The following PLCL2 variants were observed in gnomAD, a reference collection of about 807,000 sequenced individuals.
PLCL2 encodes the protein phospholipase C like 2, also known as inactive phospholipase C-like protein 2.
A neutral mutation model predicts 79.6 loss-of-function variants in PLCL2; 4 were observed. The observed-to-expected ratio is 0.05, with a 90% CI of 0.02 to 0.11. The LOEUF (loss-of-function observed/expected upper bound fraction) is 0.11. PLCL2 is among the 10% of genes least tolerant of loss of function. PLCL2 has a pLI of 1.00. For synonymous variants in PLCL2, 484 were observed against 457.7 expected (o/e 1.06, Z -0.73); for missense variants, 895 against 1,291.0 (o/e 0.69, Z 4.70).
intron 1 of PLCL2, among the ~76,000 whole-genome samples, chr3:16,984,825 G>A (rs373494244): frequency 1.3e-5 from 2 of 151,920 alleles, no homozygotes; most frequent in African/African-American, 2.4e-5. Flanking sequence ...CCAGCTACTC[G>A]GGACGCTGAG....
At chr3:16,961,871 G>C (rs759029311) in intron 1 of PLCL2, among the ~76,000 whole-genome samples, 2 of 152,200 alleles carry the variant, frequency 1.3e-5, no homozygotes, top group Non-Finnish European at 2.9e-5. Context: ...GAAAGGGTCT[G>C]AGACAGCTCT....
chr3:16,891,953 C>G (rs527899913), intron 1 of PLCL2, among the ~76,000 whole-genome samples: 97 of 152,344 alleles, frequency 6.4e-4, no homozygotes, highest in African/African-American at 2.3e-3. Flanking sequence ...AGCCACCACT[C>G]TCCCTGTATC....
chr3:16,885,807 G>C (rs1696207535), intron 1 of PLCL2, among the ~76,000 whole-genome samples: 1 of 152,212 alleles, frequency 6.6e-6, no homozygotes, highest in South Asian at 2.1e-4. Context: ...TTATTTAATA[G>C]GGTTCTTCTG....
At chr3:17,031,607 T>C (rs983953563) in intron 3 of PLCL2, among the ~76,000 whole-genome samples, 3 of 152,186 alleles carry the variant, frequency 2.0e-5, no homozygotes, top group African/African-American at 7.2e-5. Context: ...AAGCAATTTA[T>C]CATGTGCTGT....
intron 1 of PLCL2, among the ~76,000 whole-genome samples, chr3:16,911,769 G>A (rs1696886975): frequency 6.6e-6 from 1 of 152,106 alleles, no homozygotes; most frequent in African/African-American, 2.4e-5. Flanking sequence ...TTGTTTTCAT[G>A]AATACAGGCT....
At chr3:17,057,172 C>T (rs763345623) in intron 4 of PLCL2, among the ~76,000 whole-genome samples, 4 of 152,230 alleles carry the variant, frequency 2.6e-5, no homozygotes, top group East Asian at 1.9e-4. Flanking sequence ...TCATGTTCCT[C>T]GGGCAAAGGA....
chr3:16,969,307 A>G (rs1369213965), intron 1 of PLCL2, among the ~76,000 whole-genome samples: 2 of 152,164 alleles, frequency 1.3e-5, no homozygotes, highest in African/African-American at 4.8e-5. Flanking sequence ...TAATAGTTTC[A>G]GTAGAAATGA....
chr3:17,074,699 G>C lies in PLCL2; in HGVS notation c.3204+6634G>C, dbSNP rs541641285. Among the ~76,000 whole-genome samples the C allele has an allele frequency of 2.8e-3, 429 of 152,344 alleles. 1 individual carries two copies. Among genetic ancestry groups the C allele is most frequent in the Middle Eastern group, 0.017 (5 of 294 alleles). ...GGCTAAATCTTCTGGGTAACTCACT[G>C]CACCTTCTACATCAGCACTTGCTGC... On this transcript the variant is annotated intron_variant, in intron 5 of 5. Transcript: ENST00000615277.
intron 1 of PLCL2, among the ~76,000 whole-genome samples, chr3:17,001,623 T>C (rs2064212211): frequency 6.6e-6 from 1 of 152,180 alleles, no homozygotes; most frequent in Non-Finnish European, 1.5e-5. Context: ...CTTTCCTTAA[T>C]GTATGTTCTT....
chr3:17,023,484 G>A (rs973955812), intron 3 of PLCL2, among the ~76,000 whole-genome samples: 3 of 152,158 alleles, frequency 2.0e-5, no homozygotes, highest in African/African-American at 7.2e-5. Flanking sequence ...TAGTGAATAA[G>A]TCTCATGAAA....
intron 3 of PLCL2, among the ~76,000 whole-genome samples, chr3:17,022,351 G>A (rs574453171): frequency 9.9e-5 from 15 of 152,060 alleles, no homozygotes; most frequent in African/African-American, 2.7e-4. Context: ...ATTCCACATC[G>A]AATATTGGAT....
At chr3:16,910,715 T>C (rs1431614576) in intron 1 of PLCL2, among the ~76,000 whole-genome samples, 1 of 152,130 alleles carries the variant, frequency 6.6e-6, no homozygotes, top group East Asian at 1.9e-4. Context: ...ATTTTTCCAC[T>C]ATATCCTACT....
chr3:17,089,778 A>T lies in PLCL2; in HGVS notation c.3250A>T (p.Asn1084Tyr). 1 of 1,613,470 alleles carries T rather than the reference A, an allele frequency of 6.2e-7. No homozygotes were observed. Among genetic ancestry groups the T allele is most frequent in the Non-Finnish European group, 8.5e-7 (1 of 1,179,544 alleles). Residue 1084 changes from asparagine to tyrosine, a missense_variant, in exon 6 of 6, where the codon AAC becomes TAC. By Grantham distance (143) the Asn-to-Tyr change is moderately radical. Transcript: ENST00000615277. Reference sequence around the variant, plus strand: ...ATATGCTAAGAATGAGACATTGGAGAACCTGAAACAAATCCATTTTGCTGC... The same window carrying T: ...ATATGCTAAGAATGAGACATTGGAGTACCTGAAACAAATCCATTTTGCTGC... ...LKYAKNETLE[N>Y]LKQIHFAAVS...
intron 5 of PLCL2, 143 bp from the exon 6 acceptor site, chr3:17,089,590 A>G (rs13073832): frequency 0.16 from 94,756 of 604,968 alleles, 9,095 homozygotes; most frequent in Non-Finnish European, 0.19. Flanking sequence ...AAATTGACCT[A>G]TTCAGATGCA....
rs1696250082 is a variant in PLCL2 at position 16,887,390 on chromosome 3, A to G, written c.327+2024A>G. Among the ~76,000 whole-genome samples, 1 of 152,238 alleles carries G rather than the reference A, an allele frequency of 6.6e-6. No homozygotes were observed. Among genetic ancestry groups the G allele is most frequent in the African/African-American group, 2.4e-5 (1 of 41,468 alleles). On this transcript the variant is annotated intron_variant, in intron 1 of 5. Transcript: ENST00000615277. This position sits in a 1 kb window ranked among gnomAD's most constrained non-coding sequence, Gnocchi z 4.1. ...TGTTTTCTCTGAGTTCTGTTAATTTATAAAACAATTGGTTTTGGATTTACC... is the reference window on the plus strand; with the variant it reads ...TGTTTTCTCTGAGTTCTGTTAATTTGTAAAACAATTGGTTTTGGATTTACC...
At chr3:17,048,007 C>T (rs2064798967) in intron 4 of PLCL2, among the ~76,000 whole-genome samples, 1 of 152,274 alleles carries the variant, frequency 6.6e-6, no homozygotes, top group African/African-American at 2.4e-5. Flanking sequence ...GGATGAGGCC[C>T]CGACACACTC....
intron 5 of PLCL2, among the ~76,000 whole-genome samples, chr3:17,088,626 C>G (rs1173060291): frequency 6.6e-6 from 1 of 152,160 alleles, no homozygotes; most frequent in Non-Finnish European, 1.5e-5. Flanking sequence ...TTGGCTGATG[C>G]ATTAGCCCAG....
chr3:16,920,106 A>C (rs187463411), intron 1 of PLCL2, among the ~76,000 whole-genome samples: 212 of 152,248 alleles, frequency 1.4e-3, no homozygotes, highest in African/African-American at 4.5e-3. Context: ...ATTTTTCCAT[A>C]ATATTTTGTT....
intron 3 of PLCL2, among the ~76,000 whole-genome samples, chr3:17,016,386 T>C (rs1357211144): frequency 6.6e-6 from 1 of 152,222 alleles, no homozygotes; most frequent in Non-Finnish European, 1.5e-5. Context: ...TTAGCATTCA[T>C]GGTAACCTTA....
Sources: allele counts gnomAD v4.1 joint callset (sites outside exome capture counted in the v4.1 genomes callset), GRCh38; gene constraint gnomAD v4.1.1; non-coding constraint Gnocchi (gnomAD v3.1); transcripts MANE v1.5; gene names NCBI Gene and HGNC (gene_info 2026-07-23, HGNC 2026-07-21).